CYLC1: variants seen among roughly 807,000 people sequenced by gnomAD.
CYLC1 encodes cylicin 1, also known as cylicin-1.
In CYLC1, 2 loss-of-function variants were observed where a neutral mutation model predicts 31.6. The observed-to-expected ratio is 0.06, with a 90% confidence interval of 0.03 to 0.20. The LOEUF (loss-of-function observed/expected upper bound fraction) is 0.20. Ranked by LOEUF, CYLC1 falls within the 10% of genes least tolerant of loss-of-function variation. CYLC1 has a pLI of 1.00. For synonymous variants in CYLC1, 185 were observed against 153.0 expected, an observed-to-expected ratio of 1.21 and a Z score of -1.54; for missense variants, 595 against 424.1, an observed-to-expected ratio of 1.40 and a Z score of -3.54.
intron 1 of CYLC1, among the ~76,000 whole-genome samples, chrX:83,863,950 T>C (rs907050766): frequency 5.4e-5 from 6 of 111,869 alleles, no homozygotes; most frequent in Non-Finnish European, 1.1e-4. Flanking sequence ...AGGGAGACTC[T>C]GTTCCGTGCC....
At position 83,874,533 on chromosome X, in the gene CYLC1, C is replaced by T. The variant is rs2059495168; in HGVS notation, c.1825C>T (p.Leu609Phe). The change falls in exon 4 of 5, where the codon CTC becomes TTC. Residue 609 changes from leucine to phenylalanine, a missense_variant. Leu to Phe is a conservative substitution (Grantham distance 22, BLOSUM62 0). Transcript: ENST00000329312. ...TCCTCCATCAAGAGAAAAACCACCA[C>T]TCCCTGCTTGTGAGCCTTCTCTACC... is the stretch of plus-strand genomic sequence containing the variant. ...RVPPSREKPP[L>F]PACEPSLPSP... 2.5e-6 allele frequency: 3 copies of T among 1,208,315 alleles called. No individual in the cohort carries two copies. Among genetic ancestry groups the T allele is most frequent in the Non-Finnish European group, 3.4e-6 (3 of 894,439 alleles).
intron 4 of CYLC1, among the ~76,000 whole-genome samples, chrX:83,886,083 C>T (rs1016020154): frequency 1.8e-5 from 2 of 111,026 alleles, no homozygotes; most frequent in East Asian, 2.8e-4. Context: ...TATGCAAATT[C>T]GAAAATAATT....
chrX:83,872,662 C>A (rs1000851132), intron 3 of CYLC1, among the ~76,000 whole-genome samples: 2 of 108,114 alleles, frequency 1.8e-5, no homozygotes, highest in African/African-American at 6.7e-5. Flanking sequence ...ATAAAATTCC[C>A]ACTAAAGTCA....
intron 1 of CYLC1, among the ~76,000 whole-genome samples, chrX:83,866,021 C>T (rs903246273): frequency 4.5e-5 from 5 of 111,319 alleles, no homozygotes; most frequent in East Asian, 2.8e-4. Flanking sequence ...CACCTCATTT[C>T]GGTATTAACT....
chrX:83,872,923 C>T lies in CYLC1; in HGVS notation c.215C>T (p.Pro72Leu), dbSNP rs943762609. 1 of 1,182,216 alleles carries T rather than the reference C, an allele frequency of 8.5e-7. No homozygotes were observed. The highest frequency in any genetic ancestry group is 2.6e-5 in the Admixed American group (1 of 38,857). ...AGAAAACTAGAAGAAGGCCAGAAAC[C>T]AGCTCATAAATGGATAAGGCATTCT... ...DKRKLEEGQK[P>L]AHKWIRHSFR... The change falls in exon 4 of 5, where the codon CCA becomes CTA. Residue 72 changes from proline (P) to leucine (L), a missense_variant. Physicochemically the swap from Pro to Leu is moderately conservative, Grantham distance 98. Transcript: ENST00000329312.
chrX:83,876,983 A>G (rs764550079), intron 4 of CYLC1, among the ~76,000 whole-genome samples: 128 of 110,600 alleles, frequency 1.2e-3, no homozygotes, highest in Non-Finnish European at 2.0e-3. Flanking sequence ...AAATCTCTCC[A>G]CTTGAAATCT....
chrX:83,869,460 A>T (rs2031634302), intron 1 of CYLC1, among the ~76,000 whole-genome samples: 1 of 110,358 alleles, frequency 9.1e-6, no homozygotes, highest in African/African-American at 3.3e-5. Context: ...AAGTAAGATC[A>T]TGGTGGTGTT....
intron 4 of CYLC1, among the ~76,000 whole-genome samples, chrX:83,877,029 A>G (rs2147782792): frequency 9.0e-6 from 1 of 111,324 alleles, no homozygotes; most frequent in South Asian, 3.8e-4. Flanking sequence ...CATACTTAAA[A>G]TGTTTAAATA....
Position 83,861,186 on chromosome X carries a change from T to G in CYLC1, c.4T>G (p.Ser2Ala), listed in dbSNP as rs903362828. The change falls in exon 1 of 5, where the codon TCT (serine) becomes GCT (alanine). Residue 2 changes from serine (S) to alanine (A), a missense_variant. Transcript: ENST00000329312. ...AGGCAACGTACAGGCAGGGGAAATGTCTCTTCCAAGGTTGTAAGTCCTCTT... is the reference window on the plus strand; with the variant it reads ...AGGCAACGTACAGGCAGGGGAAATGGCTCTTCCAAGGTTGTAAGTCCTCTT... M[S>A]LPRLLKVNIR... 2.1e-5 allele frequency: 25 copies of G among 1,200,181 alleles called. No homozygotes were observed. The highest frequency in any genetic ancestry group is 2.7e-5 in the Non-Finnish European group (24 of 888,343).
In CYLC1 at chrX:83,872,964, C is replaced by A; in HGVS notation, c.256C>A (p.Gln86Lys). The A allele has an allele frequency of 8.3e-7, 1 of 1,201,691 alleles. No individual in the cohort carries two copies. The highest frequency in any genetic ancestry group is 2.3e-5 in the Admixed American group (1 of 44,277). The part of the protein sequence containing the change: ...WIRHSFRKIL[Q>K]WPPIYTAARE... Reference sequence around the variant, plus strand: ...AAGGCATTCTTTCAGAAAAATTTTGCAATGGCCACCCATTTACACAGCTGC... The same window carrying A: ...AAGGCATTCTTTCAGAAAAATTTTGAAATGGCCACCCATTTACACAGCTGC... The change falls in exon 4 of 5, where the codon CAA (glutamine) becomes AAA (lysine). Residue 86 changes from glutamine (Q) to lysine (K), a missense_variant. Gln to Lys is a moderately conservative substitution (Grantham distance 53). Transcript: ENST00000329312.
intron 4 of CYLC1, among the ~76,000 whole-genome samples, chrX:83,880,664 T>TTAA (rs1297938206): frequency 3.6e-5 from 4 of 111,499 alleles, no homozygotes; most frequent in Non-Finnish European, 7.5e-5. Flanking sequence ...AAATGGGATA[T>TTAA]TAATAAGACC....
At position 83,886,592 on chromosome X, in the gene CYLC1, C is replaced by T. The variant is rs199967799; in HGVS notation, c.*8C>T. ...ATTCATAAGCTGCTTTAAAGAACAACTGAGCACTTGGTTTCACAGAATGGC... is the reference window on the plus strand; with the variant it reads ...ATTCATAAGCTGCTTTAAAGAACAATTGAGCACTTGGTTTCACAGAATGGC... On this transcript the variant is annotated 3_prime_UTR_variant, in exon 5 of 5. Coordinates refer to ENST00000329312, the MANE Select transcript of CYLC1 (RefSeq NM_021118.3). 1.7e-6 allele frequency: 2 copies of T among 1,200,701 alleles called. No homozygotes were observed. Among genetic ancestry groups the T allele is most frequent in the Admixed American group, 2.2e-5 (1 of 45,525 alleles).
rs764461386 is a variant in CYLC1, at chrX:83,873,289, A to G, written c.581A>G (p.Asn194Ser). Residue 194 changes from asparagine (N) to serine (S), a missense_variant, in exon 4 of 5, where the codon AAT (asparagine) becomes AGT (serine). By Grantham distance (46) the Asn-to-Ser change is conservative. Coordinates refer to ENST00000329312, the MANE Select transcript of CYLC1 (RefSeq NM_021118.3). ...CAAAATTCTAAGACAGTCTCAAAAA[A>G]TTGTTCACAAAAAGATAAGAAAGAT... ...ESQNSKTVSKNCSQKDKKDSK... is the reference protein window; with the variant it reads ...ESQNSKTVSKSCSQKDKKDSK... The G allele has an allele frequency of 2.0e-5, 24 of 1,200,490 alleles. No individual in the cohort carries two copies. In the Admixed American group the frequency reaches 5.2e-4, roughly 26 times the overall value.
intron 1 of CYLC1, among the ~76,000 whole-genome samples, chrX:83,861,695 A>G (rs998995667): frequency 1.8e-5 from 2 of 111,955 alleles, no homozygotes; most frequent in African/African-American, 6.5e-5. Flanking sequence ...TATTATTCAT[A>G]TGGAATTAAA....
chrX:83,880,660 G>A (rs62612882), intron 4 of CYLC1, among the ~76,000 whole-genome samples: 2,589 of 110,820 alleles, frequency 0.023, 37 homozygotes, highest in Non-Finnish European at 0.035. Context: ...TATAAAATGG[G>A]ATATTAATAA....
In CYLC1 at chrX:83,874,281, G is replaced by A. The variant is rs751696972; in HGVS notation, c.1573G>A (p.Asp525Asn). 30 of 1,207,791 alleles carry A rather than the reference G, an allele frequency of 2.5e-5. No individual in the cohort carries two copies. In the South Asian group the frequency reaches 5.1e-4, roughly 21 times the overall value. The change falls in exon 4 of 5, where the codon GAT becomes AAT. Residue 525 changes from aspartate (D) to asparagine (N), a missense_variant. Asp to Asn is a conservative substitution (Grantham distance 23). Coordinates refer to ENST00000329312, the MANE Select transcript of CYLC1 (RefSeq NM_021118.3). ...CACAGAGTCTACTGATGCTGAATTT[G>A]ATGAATCTTCCAAGACAGGCTTTAA... ...KDTESTDAEF[D>N]ESSKTGFKTS...
At chrX:83,861,619 C>T (rs1028102993) in intron 1 of CYLC1, among the ~76,000 whole-genome samples, 2 of 111,671 alleles carry the variant, frequency 1.8e-5, no homozygotes, top group Non-Finnish European at 1.9e-5. Flanking sequence ...CTGATAAATA[C>T]ATTATTATGT....
Position 83,874,697 on chromosome X carries a change from G to A in CYLC1, c.1923+66G>A. ...TAAAATGAAAGACTTTTTAAAGTTT[G>A]AATTTATGTTTTCTCCAAATAATAG... On this transcript the variant is annotated intron_variant, in intron 4 of 4. Transcript: ENST00000329312. The A allele has an allele frequency of 2.9e-6, 3 of 1,029,509 alleles. No homozygotes were observed. In the South Asian group the frequency reaches 8.3e-5, roughly 29 times the overall value. The allele number at this position is 1,029,509 out of a possible 1,213,427, so 84.8% of individuals were successfully genotyped here. A position where few individuals can be genotyped will look rare whatever the true frequency, so the allele number is the denominator to read the frequency against.
At chrX:83,875,604 A>G (rs1224406679) in intron 4 of CYLC1, among the ~76,000 whole-genome samples, 3 of 111,323 alleles carry the variant, frequency 2.7e-5, no homozygotes, top group African/African-American at 9.8e-5. Context: ...ATTCACTATC[A>G]CAAGAACTGT....
Sources: allele counts gnomAD v4.1 joint callset (sites outside exome capture counted in the v4.1 genomes callset), GRCh38; gene constraint gnomAD v4.1.1; transcripts MANE v1.5; gene names NCBI Gene and HGNC (gene_info 2026-07-23, HGNC 2026-07-21).